LAMTOR5: variants seen among roughly 807,000 people sequenced by gnomAD.
The protein encoded by LAMTOR5 is ragulator complex protein LAMTOR5.
LAMTOR5 carries 8 observed loss-of-function variants against 12.1 expected under a neutral mutation model. The ratio of observed to expected loss-of-function variants is 0.66; its 90% CI spans 0.39 to 1.19. LAMTOR5 has a LOEUF of 1.19. Ranked by LOEUF, LAMTOR5 falls within the 50% of genes most tolerant of loss-of-function variation. The pLI, the probability that LAMTOR5 is intolerant of heterozygous loss-of-function variation, is 0.01. For missense variants in LAMTOR5, 110 were observed against 112.8 expected, an observed-to-expected ratio of 0.97 and a Z score of 0.11; for synonymous variants, 37 against 41.9, an observed-to-expected ratio of 0.88 and a Z score of 0.45.
intron 3 of LAMTOR5, among the ~76,000 whole-genome samples, chr1:110,402,101 A>G (rs1194205861): frequency 6.6e-6 from 1 of 152,214 alleles, no homozygotes; most frequent in Non-Finnish European, 1.5e-5. Context: ...CCAGCATCAC[A>G]TAGCACAACA....
At chr1:110,402,147 CAAAT>C (rs1663242511) in intron 3 of LAMTOR5, among the ~76,000 whole-genome samples, 4 of 152,180 alleles carry the variant, frequency 2.6e-5, no homozygotes, top group Admixed American at 2.6e-4. Context: ...CTGGTGTAAA[CAAAT>C]TGTGCTGCCA....
At chr1:110,401,830 C>T (rs546608461) in intron 3 of LAMTOR5, among the ~76,000 whole-genome samples, 9 of 152,292 alleles carry the variant, frequency 5.9e-5, no homozygotes, top group East Asian at 3.9e-4. Flanking sequence ...TTCTTTGTTT[C>T]GGTTTTTTAG....
intron 1 of LAMTOR5, 150 bp downstream of exon 1, chr1:110,407,434 TTG>T: frequency 1.0e-6 from 1 of 974,350 alleles, no homozygotes; most frequent in Non-Finnish European, 1.5e-6. Context: ...CCCTGCGGCC[TTG>T]GGTAGAGTTT....
chr1:110,401,851 G>A (rs1312241926), intron 3 of LAMTOR5, among the ~76,000 whole-genome samples: 1 of 152,052 alleles, frequency 6.6e-6, no homozygotes, highest in East Asian at 1.9e-4. Context: ...GCACTGTCTT[G>A]CTATGTTGCC....
chr1:110,406,406 A>T, intron 1 of LAMTOR5, 27 bp from the exon 2 acceptor site: 1 of 1,553,434 alleles, frequency 6.4e-7, no homozygotes, highest in African/African-American at 1.4e-5. Context: ...AAGAGAGTTG[A>T]AGTACATAAT....
intron 3 of LAMTOR5, chr1:110,403,620 A>T: frequency 4.8e-6 from 1 of 209,332 alleles, no homozygotes; most frequent in Non-Finnish European, 9.5e-6. Context: ...CTCAAAAAGA[A>T]AAAAAAAAAA....
chr1:110,402,344 G>A (rs575116648), intron 3 of LAMTOR5, among the ~76,000 whole-genome samples: 26 of 152,120 alleles, frequency 1.7e-4, no homozygotes, highest in African/African-American at 4.3e-4. Context: ...TCTGCCTCCC[G>A]GGTTCAAGCA....
At chr1:110,406,698 A>C (rs773231748) in intron 1 of LAMTOR5, 7 of 285,520 alleles carry the variant, frequency 2.5e-5, no homozygotes. Context: ...GTGGCGCATG[A>C]CTGTAATCCC....
chr1:110,405,524 TCTCA>T (rs1436612489), intron 2 of LAMTOR5, among the ~76,000 whole-genome samples: 1 of 151,718 alleles, frequency 6.6e-6, no homozygotes, highest in Admixed American at 6.6e-5. Context: ...AGATGGGGGG[TCTCA>T]CTGTGTTGCA....
chr1:110,401,704 A>G (rs1450190430), intron 3 of LAMTOR5, 121 bp from the exon 4 acceptor site: 2 of 1,077,374 alleles, frequency 1.9e-6, no homozygotes. Flanking sequence ...CTACGTATAA[A>G]AGCAATATTT....
intron 3 of LAMTOR5, among the ~76,000 whole-genome samples, chr1:110,402,362 T>G (rs1663247244): frequency 6.6e-6 from 1 of 152,136 alleles, no homozygotes; most frequent in Non-Finnish European, 1.5e-5. Context: ...GCAATTCTCC[T>G]GCCTCAGCCT....
intron 2 of LAMTOR5, among the ~76,000 whole-genome samples, chr1:110,405,047 C>CAAAAA: frequency 1.6e-5 from 1 of 61,354 alleles, no homozygotes; most frequent in South Asian, 5.0e-4. Context: ...GATTTCGTCT[C>CAAAAA]AAAAAAAAAA....
intron 3 of LAMTOR5, 68 bp downstream of exon 3, chr1:110,403,851 C>A (rs1209226049): frequency 6.3e-7 from 1 of 1,591,478 alleles, no homozygotes; most frequent in Non-Finnish European, 8.6e-7. Flanking sequence ...AACACAGGGC[C>A]GGCCCCCGCC....
At chr1:110,405,025 G>A (rs1190974999) in intron 2 of LAMTOR5, among the ~76,000 whole-genome samples, 1 of 149,166 alleles carries the variant, frequency 6.7e-6, no homozygotes, top group African/African-American at 2.5e-5. Flanking sequence ...TCTAGCCTGG[G>A]CGACAGAGCA....
rs1011124111 is a variant in LAMTOR5 at position 110,407,476 on chromosome 1, C to T, written c.35+110G>A. The T allele has an allele frequency of 7.3e-6, 10 of 1,361,384 alleles. No homozygotes were observed. In the African/African-American group the frequency reaches 8.7e-5, roughly 12 times the overall value. The allele number at this position is 1,361,384 out of a possible 1,614,324, so 84.3% of individuals were successfully genotyped here. On this transcript the variant is annotated intron_variant, in intron 1 of 3. Transcript: ENST00000602318. Reference sequence around the variant, plus strand: ...CCCTCATCCCGTGTCCCGGGGGTCGCGCGACGTCCCCGAGACGCCCTGGCC... The same window carrying T: ...CCCTCATCCCGTGTCCCGGGGGTCGTGCGACGTCCCCGAGACGCCCTGGCC...
At position 110,401,459 on chromosome 1, in the gene LAMTOR5, T is replaced by C. The variant is rs1232576569; in HGVS notation, c.*64A>G. 4 of 1,541,044 alleles carry C rather than the reference T, an allele frequency of 2.6e-6. No homozygotes were observed. Among genetic ancestry groups the C allele is most frequent in the Non-Finnish European group, 3.6e-6 (4 of 1,123,082 alleles). ...AACTACTGGAACTTTAGTAGTTCTA[T>C]AAGGTAATTAACATAGGTAGGATCC... is the stretch of plus-strand genomic sequence containing the variant. On this transcript the variant is annotated 3_prime_UTR_variant, in exon 4 of 4. Transcript: ENST00000602318.
At position 110,407,006 on chromosome 1, in the gene LAMTOR5, AAAC is replaced by A. The variant is rs1663345232; in HGVS notation, c.35+577_35+579del. On this transcript the variant is annotated intron_variant, in intron 1 of 3. Transcript: ENST00000602318. ...GCATGTTTTAGTACTAACTCATTTAAAACAACTGTTGAAAAACTCAAGTTACCT... is the reference window on the plus strand; with the variant it reads ...GCATGTTTTAGTACTAACTCATTTAAAACTGTTGAAAAACTCAAGTTACCT... 4 of 687,668 alleles carry A rather than the reference AAAC, an allele frequency of 5.8e-6. No individual in the cohort carries two copies. The South Asian group carries it at 6.2e-5, about 11-fold the overall frequency. 42.6% of individuals were successfully genotyped at this position (687,668 alleles called of 1,614,324 possible).
At chr1:110,406,787 G>A (rs1663339278) in intron 1 of LAMTOR5, 2 of 395,948 alleles carry the variant, frequency 5.1e-6, no homozygotes, top group African/African-American at 2.1e-5. Context: ...TCACGCCATT[G>A]CACTCCAGCC....
chr1:110,401,735 G>A lies in LAMTOR5; in HGVS notation c.216-152C>T, dbSNP rs1663234660. ...TATTTAAACATAACAAAACATTTGG[G>A]AAATACATAAACATATAGCATGTGA... On this transcript the variant is annotated intron_variant, in intron 3 of 3. Coordinates refer to ENST00000602318, the MANE Select transcript of LAMTOR5 (RefSeq NM_001382293.1). 1.1e-5 allele frequency: 9 copies of A among 802,072 alleles called. 1 individual carries two copies. In the South Asian group the frequency reaches 1.2e-4, roughly 11 times the overall value. 49.7% of individuals were successfully genotyped at this position (802,072 alleles called of 1,614,324 possible).
Sources: allele counts gnomAD v4.1 joint callset (sites outside exome capture counted in the v4.1 genomes callset), GRCh38; gene constraint gnomAD v4.1.1; transcripts MANE v1.5; gene names NCBI Gene and HGNC (gene_info 2026-07-23, HGNC 2026-07-21).